Variants in DYDC2 observed in about 807,000 individuals in gnomAD.
The protein encoded by DYDC2 is DPY30 domain-containing protein 2.
DYDC2 carries 19 observed loss-of-function variants against 18.7 expected under a neutral mutation model. The ratio of observed to expected loss-of-function variants is 1.02; its 90% confidence interval spans 0.71 to 1.49. The LOEUF is 1.49. Ranked by LOEUF, DYDC2 falls within the 40% of genes most tolerant of loss-of-function variation. The probability of loss-of-function intolerance (pLI) is 0.00; values close to 1 mark genes in which losing one functional copy is unlikely to be tolerated. For missense variants in DYDC2, 179 were observed against 205.1 expected, an observed-to-expected ratio of 0.87 and a Z score of 0.78; for synonymous variants, 63 against 67.6, an observed-to-expected ratio of 0.93 and a Z score of 0.34.
intron 4 of DYDC2, among the ~76,000 whole-genome samples, chr10:80,365,630 G>A (rs1843806562): frequency 6.6e-6 from 1 of 152,210 alleles, no homozygotes; most frequent in African/African-American, 2.4e-5. Context: ...GAGGGGATCA[G>A]TAGAGCCTAA....
chr10:80,363,511 A>AGTTTTT (rs35505876), intron 4 of DYDC2, among the ~76,000 whole-genome samples: 2 of 140,440 alleles, frequency 1.4e-5, no homozygotes, highest in Admixed American at 7.0e-5. Context: ...CGCCCGGCTA[A>AGTTTTT]TTTTTTTTTT....
chr10:80,358,395 G>A lies in DYDC2; in HGVS notation c.-10+350G>A, dbSNP rs1040957463. 9.9e-4 allele frequency among the ~76,000 whole-genome samples: 150 copies of A among 152,084 alleles called. 13 individuals are homozygous for A. Among genetic ancestry groups the A allele is most frequent in the Non-Finnish European group, 7.4e-5 (5 of 68,012 alleles). On this transcript the variant is annotated intron_variant, in intron 2 of 4. Transcript: ENST00000256039. ...TCTCTCTTAAAAATAAAAAATAAAA[G>A]GCATCCCCTTGACTCCTTCCCCTCC... is the stretch of plus-strand genomic sequence containing the variant.
At chr10:80,352,885 GT>G (rs1383725034), upstream of DYDC2, among the ~76,000 whole-genome samples, 1 of 152,156 alleles carries the variant, frequency 6.6e-6, no homozygotes, top group Admixed American at 6.5e-5. Context: ...TTGATTCCAA[GT>G]TTACTTGATG....
In DYDC2 at chr10:80,367,692, T is replaced by G. The variant is rs1843879955; in HGVS notation, c.*741T>G. 1 of 152,198 alleles carries G rather than the reference T, an allele frequency of 6.6e-6. No homozygotes were observed. The highest frequency in any genetic ancestry group is 1.5e-5 in the Non-Finnish European group (1 of 68,032). The allele number at this position is 152,198 out of a possible 1,614,324, so 9.4% of individuals were successfully genotyped here. On this transcript the variant is annotated 3_prime_UTR_variant, in exon 5 of 5. Transcript: ENST00000256039. ...TCTTAACTTTTGCTTCACTTCACAGTCAGGCCTCTCCGAGTATTTTTTACA... is the reference window on the plus strand; with the variant it reads ...TCTTAACTTTTGCTTCACTTCACAGGCAGGCCTCTCCGAGTATTTTTTACA...
chr10:80,353,648 G>A (rs1340275387), upstream of DYDC2, among the ~76,000 whole-genome samples: 2 of 150,646 alleles, frequency 1.3e-5, no homozygotes, highest in Non-Finnish European at 3.0e-5. Flanking sequence ...TCAGGAGATC[G>A]AGACCATCCT....
Position 80,367,059 on chromosome 10 carries a change from T to G in DYDC2, c.*108T>G. 12 of 1,316,838 alleles carry G rather than the reference T, an allele frequency of 9.1e-6. No homozygotes were observed. The highest frequency in any genetic ancestry group is 1.1e-5 in the Non-Finnish European group (11 of 965,646). 81.6% of individuals were successfully genotyped at this position (1,316,838 alleles called of 1,614,324 possible). Reference sequence around the variant, plus strand: ...GGCTGTAAAAGGCAAGTTCAGGGACTCTCCAGCCTACTCCTTTTCTGAAAA... The same window carrying G: ...GGCTGTAAAAGGCAAGTTCAGGGACGCTCCAGCCTACTCCTTTTCTGAAAA... On this transcript the variant is annotated 3_prime_UTR_variant, in exon 5 of 5. Coordinates refer to ENST00000256039, the MANE Select transcript of DYDC2 (RefSeq NM_032372.6).
intron 1 of DYDC2, among the ~76,000 whole-genome samples, chr10:80,349,504 A>T (rs940763046): frequency 6.6e-6 from 1 of 152,254 alleles, no homozygotes; most frequent in African/African-American, 2.4e-5. Context: ...TTTTACAAGT[A>T]AAGATATAAT....
intron 2 of DYDC2, among the ~76,000 whole-genome samples, chr10:80,360,323 G>A (rs1325527817): frequency 6.6e-6 from 1 of 152,148 alleles, no homozygotes; most frequent in East Asian, 1.9e-4. Context: ...CCATTTTCTT[G>A]TCTTTTCCAG....
chr10:80,356,814 G>A lies in DYDC2; in HGVS notation c.-174G>A. ...GTGTAGGCGCCGCAAAGCGGAAGGGGCGCGCGGATAGGTGAGCAGAGGGCA... is the reference window on the plus strand; with the variant it reads ...GTGTAGGCGCCGCAAAGCGGAAGGGACGCGCGGATAGGTGAGCAGAGGGCA... On this transcript the variant is annotated 5_prime_UTR_variant, in exon 1 of 5. Coordinates refer to ENST00000256039, the MANE Select transcript of DYDC2 (RefSeq NM_032372.6). 4 of 985,654 alleles carry A rather than the reference G, an allele frequency of 4.1e-6. No individual in the cohort carries two copies. The highest frequency in any genetic ancestry group is 4.8e-6 in the Non-Finnish European group (4 of 830,126). 61.1% of individuals were successfully genotyped at this position (985,654 alleles called of 1,614,324 possible).
chr10:80,360,791 G>A (rs1441157996), intron 2 of DYDC2, among the ~76,000 whole-genome samples: 2 of 139,532 alleles, frequency 1.4e-5, no homozygotes, highest in South Asian at 2.3e-4. Flanking sequence ...ACAGGGTCTC[G>A]CTCTGTCACC....
At chr10:80,362,624 A>T (rs773687413) in intron 3 of DYDC2, 34 bp downstream of exon 3, 62 of 1,564,912 alleles carry the variant, frequency 4.0e-5, no homozygotes, top group Non-Finnish European at 3.5e-5. Context: ...GGGAGGGCCC[A>T]GCTTTCCCAG....
upstream of DYDC2, chr10:80,352,864 T>A: frequency 3.1e-6 from 1 of 324,020 alleles, no homozygotes; most frequent in Middle Eastern, 8.3e-4. Context: ...AGAAAAGAGA[T>A]ATTATCATTA....
chr10:80,352,138 T>G, upstream of DYDC2: 1 of 814,890 alleles, frequency 1.2e-6, no homozygotes. Context: ...GGAAATGATA[T>G]AATAATTTGG....
At chr10:80,346,429 G>GTGTCTC (rs1388725965) in intron 1 of DYDC2, among the ~76,000 whole-genome samples, 1 of 125,374 alleles carries the variant, frequency 8.0e-6, no homozygotes, top group Admixed American at 8.3e-5. Flanking sequence ...TCACCAATGT[G>GTGTCTC]TGTCTCTTCC....
At chr10:80,349,546 T>G (rs1842864707) in intron 1 of DYDC2, among the ~76,000 whole-genome samples, 1 of 152,220 alleles carries the variant, frequency 6.6e-6, no homozygotes, top group African/African-American at 2.4e-5. Flanking sequence ...GCAAAAGCTT[T>G]TAAAGGTAAT....
At chr10:80,348,487 C>A (rs1452809216) in intron 1 of DYDC2, among the ~76,000 whole-genome samples, 2 of 152,214 alleles carry the variant, frequency 1.3e-5, no homozygotes, top group African/African-American at 4.8e-5. Context: ...CGTAAAGCTG[C>A]TTTATACACG....
At chr10:80,351,796 T>C (rs759244027), upstream of DYDC2, 23 of 973,994 alleles carry the variant, frequency 2.4e-5, no homozygotes, top group Non-Finnish European at 3.4e-5. Flanking sequence ...TAGGAAGCCA[T>C]ATCTAAATAA....
rs1843693349 is a variant in DYDC2, at chr10:80,362,507, G to A, written c.64G>A (p.Ala22Thr). 1.2e-6 allele frequency: 2 copies of A among 1,614,044 alleles called. No individual in the cohort carries two copies. The highest frequency in any genetic ancestry group is 2.7e-5 in the African/African-American group (2 of 74,926). Residue 22 changes from alanine to threonine, a missense_variant, in exon 3 of 5, where the codon GCG becomes ACG. Physicochemically the swap from Ala to Thr is moderately conservative, Grantham distance 58 (BLOSUM62 0). Coordinates refer to ENST00000256039, the MANE Select transcript of DYDC2 (RefSeq NM_032372.6). ...NCLAQALAEV[A>T]KVRPSDPIEY... ...CCTGGCCCAGGCACTGGCAGAGGTGGCGAAGGTTCGGCCCAGTGACCCAAT... is the reference window on the plus strand; with the variant it reads ...CCTGGCCCAGGCACTGGCAGAGGTGACGAAGGTTCGGCCCAGTGACCCAAT...
At chr10:80,348,898 C>CT (rs546974679) in intron 1 of DYDC2, among the ~76,000 whole-genome samples, 88 of 148,596 alleles carry the variant, frequency 5.9e-4, no homozygotes, top group Admixed American at 2.6e-3. Context: ...AGCAGATAAA[C>CT]TTTTTTTTTT....
Sources: gnomAD v4.1 joint callset for allele counts (sites outside exome capture counted in the v4.1 genomes callset) on GRCh38, gnomAD v4.1.1 for gene constraint, MANE v1.5 for transcripts, NCBI Gene and HGNC (gene_info 2026-07-23, HGNC 2026-07-21) for gene names.